ADGRL2: variants seen among roughly 807,000 people sequenced by gnomAD.
The protein encoded by ADGRL2 is adhesion G protein-coupled receptor L2.
In ADGRL2, 44 loss-of-function variants were observed where a neutral mutation model predicts 157.4. The observed-to-expected ratio is 0.28, with a 90% CI of 0.22 to 0.36. The LOEUF is 0.36. Ranked by LOEUF, ADGRL2 falls within the 10% of genes least tolerant of loss-of-function variation. The probability of loss-of-function intolerance (pLI) is 1.00; values close to 1 mark genes in which losing one functional copy is unlikely to be tolerated. For synonymous variants in ADGRL2, 585 were observed against 624.7 expected (o/e 0.94, Z 0.95); for missense variants, 1,510 against 1,768.9 (o/e 0.85, Z 2.63).
intron 1 of ADGRL2, among the ~76,000 whole-genome samples, chr1:81,715,592 G>A (rs1183469521): frequency 1.3e-5 from 2 of 152,146 alleles, no homozygotes; most frequent in African/African-American, 2.4e-5. Flanking sequence ...ATTATGTTAA[G>A]CGTGGAGTAA....
chr1:81,662,658 G>T (rs1241213189), intron 3 of ADGRL2, among the ~76,000 whole-genome samples: 7 of 151,516 alleles, frequency 4.6e-5, no homozygotes, highest in Non-Finnish European at 7.4e-5. Flanking sequence ...AGGTTCAAGC[G>T]ATTCTCCTAC....
intron 1 of ADGRL2, among the ~76,000 whole-genome samples, chr1:81,742,030 T>A (rs2149225560): frequency 6.6e-6 from 1 of 152,100 alleles, no homozygotes; most frequent in Middle Eastern, 3.4e-3. Context: ...TGCCCTAGGT[T>A]TACATTAGCA....
At chr1:81,939,816 A>G (rs1309621661) in intron 4 of ADGRL2, among the ~76,000 whole-genome samples, 1 of 151,334 alleles carries the variant, frequency 6.6e-6, no homozygotes, top group Non-Finnish European at 1.5e-5. Flanking sequence ...GGTTTCACAG[A>G]TGTCTGTCCT....
rs76206077 is a variant in ADGRL2, at chr1:81,984,205, C to T, written c.3283-378C>T. ...TACAGAGCGGTTAAATGTAATTAAGCAAGGAAAATACTAAATTTTTTGTCC... is the reference window on the plus strand; with the variant it reads ...TACAGAGCGGTTAAATGTAATTAAGTAAGGAAAATACTAAATTTTTTGTCC... On this transcript the variant is annotated intron_variant, in intron 19 of 23. Transcript: ENST00000686636. 7.3e-3 allele frequency: 1,124 copies of T among 153,216 alleles called. 12 individuals are homozygous for T. The highest frequency in any genetic ancestry group is 0.026 in the African/African-American group (1,070 of 41,524). 9.5% of individuals were successfully genotyped at this position (153,216 alleles called of 1,614,324 possible). A position where few individuals can be genotyped will look rare whatever the true frequency, so the allele number is the denominator to read the frequency against.
chr1:81,366,121 T>A (rs1051688777), intron 1 of ADGRL2, among the ~76,000 whole-genome samples: 2 of 152,178 alleles, frequency 1.3e-5, no homozygotes, highest in African/African-American at 2.4e-5. Context: ...AAAATATCTA[T>A]GAAAATCTTT....
intron 11 of ADGRL2, among the ~76,000 whole-genome samples, chr1:81,960,477 TC>T (rs1654986381): frequency 6.6e-6 from 1 of 152,074 alleles, no homozygotes; most frequent in African/African-American, 2.4e-5. Context: ...CTTTTTTTTT[TC>T]TTTTTTCTTT....
intron 1 of ADGRL2, among the ~76,000 whole-genome samples, chr1:81,426,305 C>A (rs1338438059): frequency 2.0e-5 from 3 of 152,198 alleles, no homozygotes; most frequent in Non-Finnish European, 2.9e-5. Flanking sequence ...GGAGGTGGGT[C>A]AGACAACTTC....
At chr1:81,424,019 T>C (rs957735921) in intron 1 of ADGRL2, among the ~76,000 whole-genome samples, 32 of 152,222 alleles carry the variant, frequency 2.1e-4, no homozygotes, top group Non-Finnish European at 3.2e-4. Context: ...CAAATGACAA[T>C]ATATTTTAGC....
In ADGRL2 at chr1:81,647,643, G is replaced by C. The variant is rs12067433; in HGVS notation, c.-143+66663G>C. 2.0e-5 allele frequency among the ~76,000 whole-genome samples: 3 copies of C among 151,922 alleles called. No homozygotes were observed. The East Asian group carries it at 5.8e-4, about 29-fold the overall frequency. ...TATCCCAAAAATCTAAAACATTTCTGGTCCCAAGCATTTCAGATAAGGGGT... is the reference window on the plus strand; with the variant it reads ...TATCCCAAAAATCTAAAACATTTCTCGTCCCAAGCATTTCAGATAAGGGGT... On this transcript the variant is annotated intron_variant, in intron 3 of 24. Coordinates refer to the ADGRL2 transcript ENST00000370721.
chr1:81,658,975 T>C (rs651793), intron 3 of ADGRL2, among the ~76,000 whole-genome samples: 57,777 of 151,062 alleles, frequency 0.38, 11,495 homozygotes, highest in African/African-American at 0.48. Flanking sequence ...TGGTCTCGAA[T>C]TCCTGACCTC....
chr1:81,740,120 G>T (rs1301610085), intron 1 of ADGRL2, among the ~76,000 whole-genome samples: 1 of 152,124 alleles, frequency 6.6e-6, no homozygotes, highest in Non-Finnish European at 1.5e-5. Context: ...CCCACATCTG[G>T]GAAAGTAATA....
chr1:81,875,236 T>A (rs1235101295), intron 2 of ADGRL2, among the ~76,000 whole-genome samples: 1 of 152,084 alleles, frequency 6.6e-6, no homozygotes. Context: ...AGAGTTGCAT[T>A]AAAGGGATAT....
intron 2 of ADGRL2, among the ~76,000 whole-genome samples, chr1:81,453,393 T>A (rs1442735258): frequency 6.6e-6 from 1 of 152,008 alleles, no homozygotes; most frequent in African/African-American, 2.4e-5. Context: ...AGTTTACAGA[T>A]TAATGAAGAG....
chr1:81,859,029 AATTT>A lies in ADGRL2; in HGVS notation c.73+21978_73+21981del, dbSNP rs372522014. Among the ~76,000 whole-genome samples the A allele has an allele frequency of 9.3e-4, 142 of 152,292 alleles. 2 individuals carry two copies. In the East Asian group the frequency reaches 0.02, roughly 21 times the overall value. ...TACCTCTATGAAATTAATTGTTTAG[AATTT>A]ATTTAAGTAATTATGTTTGAACATT... is the stretch of plus-strand genomic sequence containing the variant. On this transcript the variant is annotated intron_variant, in intron 2 of 23. Coordinates refer to ENST00000686636, the MANE Select transcript of ADGRL2 (RefSeq NM_001366006.2).
At chr1:81,767,564 A>C (rs1257599097) in intron 2 of ADGRL2, among the ~76,000 whole-genome samples, 22 of 152,142 alleles carry the variant, frequency 1.4e-4, no homozygotes, top group Admixed American at 1.4e-3. Flanking sequence ...ATCAGTCTCT[A>C]GATGCCTACT....
chr1:81,563,018 G>A (rs1441233931), intron 2 of ADGRL2, among the ~76,000 whole-genome samples: 1 of 152,102 alleles, frequency 6.6e-6, no homozygotes, highest in Non-Finnish European at 1.5e-5. Flanking sequence ...TTATTGCTAG[G>A]TGGATGCCAT....
intron 1 of ADGRL2, among the ~76,000 whole-genome samples, chr1:81,371,141 C>T (rs6424750): frequency 0.71 from 107,659 of 152,012 alleles, 38,674 homozygotes; most frequent in East Asian, 0.77. Context: ...ATCTTTAGGG[C>T]CTCCACCATC....
intron 1 of ADGRL2, among the ~76,000 whole-genome samples, chr1:81,332,440 C>T (rs1661339638): frequency 6.6e-6 from 1 of 151,996 alleles, no homozygotes; most frequent in Non-Finnish European, 1.5e-5. Context: ...ATTTAATATG[C>T]CAATCAAGTT....
intron 2 of ADGRL2, chr1:81,501,873 A>C (rs11163318): frequency 0.013 from 20,287 of 1,602,800 alleles, 504 homozygotes; most frequent in African/African-American, 0.09. Context: ...AGAGAGAAGC[A>C]GGGCCAGCAG....
Sources: allele counts gnomAD v4.1 joint callset (sites outside exome capture counted in the v4.1 genomes callset), GRCh38; gene constraint gnomAD v4.1.1; transcripts MANE v1.5; gene names NCBI Gene and HGNC (gene_info 2026-07-23, HGNC 2026-07-21).